Variants in CDIN1 observed in about 807,000 individuals in gnomAD.
CDIN1 encodes the protein CDAN1 interacting nuclease 1, also known as CDAN1-interacting nuclease 1.
CDIN1 carries 33 observed loss-of-function variants against 45.3 expected under a neutral mutation model. The observed-to-expected ratio is 0.73, with a 90% CI of 0.55 to 0.97. The LOEUF is 0.97. Among genes scored for constraint, CDIN1 ranks in the 50% least tolerant of loss-of-function variants. The probability of loss-of-function intolerance (pLI) is 0.00; values close to 1 mark genes in which losing one functional copy is unlikely to be tolerated. For missense variants in CDIN1, 303 were observed against 339.4 expected (o/e 0.89, Z 0.84); for synonymous variants, 118 against 124.4 (o/e 0.95, Z 0.34).
chr15:36,771,887 C>A (rs532819637), intron 10 of CDIN1, among the ~76,000 whole-genome samples: 27 of 145,466 alleles, frequency 1.9e-4, no homozygotes, highest in African/African-American at 6.9e-4. Context: ...GAGATGGCGC[C>A]ATTGCACTCC....
At chr15:36,671,066 A>T (rs1217994741) in intron 5 of CDIN1, among the ~76,000 whole-genome samples, 1 of 152,116 alleles carries the variant, frequency 6.6e-6, no homozygotes. Flanking sequence ...TTGTATCTGA[A>T]ACAAGAAAAT....
intron 1 of CDIN1, among the ~76,000 whole-genome samples, chr15:36,598,366 G>A (rs536314443): frequency 4.9e-5 from 7 of 143,428 alleles, no homozygotes; most frequent in African/African-American, 1.7e-4. Context: ...ATAGTCCATT[G>A]GAAACAAAAG....
chr15:36,719,369 C>T (rs1443584015), intron 10 of CDIN1, among the ~76,000 whole-genome samples: 2 of 152,100 alleles, frequency 1.3e-5, no homozygotes, highest in Non-Finnish European at 1.5e-5. Flanking sequence ...GTTTCTGCAT[C>T]TATTACGATG....
At chr15:36,653,623 G>T (rs562258670) in intron 3 of CDIN1, among the ~76,000 whole-genome samples, 1 of 152,248 alleles carries the variant, frequency 6.6e-6, no homozygotes, top group African/African-American at 2.4e-5. Flanking sequence ...CCTGTCACAG[G>T]TGTGCTGACC....
At chr15:36,725,712 T>C (rs951756153) in intron 10 of CDIN1, among the ~76,000 whole-genome samples, 4 of 152,204 alleles carry the variant, frequency 2.6e-5, no homozygotes, top group African/African-American at 9.6e-5. Context: ...CTATGTTAGA[T>C]TTATCTACTG....
chr15:36,740,885 A>G (rs1278158942), intron 10 of CDIN1, among the ~76,000 whole-genome samples: 1 of 149,306 alleles, frequency 6.7e-6, no homozygotes, highest in African/African-American at 2.5e-5. Context: ...GCGAGACTCC[A>G]TCTCAAAAAA....
At chr15:36,621,752 C>T (rs1189015247) in intron 1 of CDIN1, among the ~76,000 whole-genome samples, 1 of 152,138 alleles carries the variant, frequency 6.6e-6, no homozygotes, top group Non-Finnish European at 1.5e-5. Flanking sequence ...TTTTGTTGGC[C>T]TCCCTTTTAG....
intron 10 of CDIN1, among the ~76,000 whole-genome samples, chr15:36,743,865 G>C (rs1028259911): frequency 6.6e-6 from 1 of 151,670 alleles, no homozygotes; most frequent in African/African-American, 2.4e-5. Flanking sequence ...CTCCAGCCTG[G>C]GCAACAGAGG....
chr15:36,701,122 G>GTAGGTAGA (rs1221792455), intron 8 of CDIN1, among the ~76,000 whole-genome samples: 3 of 103,806 alleles, frequency 2.9e-5, no homozygotes, highest in African/African-American at 9.5e-5. Flanking sequence ...AGATAGGTAG[G>GTAGGTAGA]TAGATAGATA....
rs562943536 is a variant in CDIN1, at chr15:36,645,384, C to A, written c.212+97C>A. ...GGTTATTAATTTTCTATGTCATATC[C>A]CAAGACATTGTGTTTTAAGTATTTT... is the stretch of plus-strand genomic sequence containing the variant. On this transcript the variant is annotated intron_variant, in intron 3 of 10. Coordinates refer to ENST00000566621, the MANE Select transcript of CDIN1 (RefSeq NM_001321759.2). 4.5e-4 allele frequency: 468 copies of A among 1,048,350 alleles called. 1 individual carries two copies. The highest frequency in any genetic ancestry group is 6.7e-4 in the Admixed American group (24 of 35,620). 64.9% of individuals were successfully genotyped at this position (1,048,350 alleles called of 1,614,324 possible). A position where few individuals can be genotyped will look rare whatever the true frequency, so the allele number is the denominator to read the frequency against.
intron 10 of CDIN1, among the ~76,000 whole-genome samples, chr15:36,777,267 C>G (rs1318330690): frequency 6.6e-6 from 1 of 152,110 alleles, no homozygotes; most frequent in Non-Finnish European, 1.5e-5. Context: ...AATACTTGAG[C>G]TTAAATTGTT....
chr15:36,715,274 A>G (rs1328867430), intron 10 of CDIN1, among the ~76,000 whole-genome samples: 1 of 152,154 alleles, frequency 6.6e-6, no homozygotes, highest in African/African-American at 2.4e-5. Context: ...CTTCTGCCAC[A>G]GAATTGATTT....
chr15:36,754,785 A>T (rs188203954), intron 10 of CDIN1, among the ~76,000 whole-genome samples: 3 of 152,162 alleles, frequency 2.0e-5, no homozygotes, highest in Admixed American at 2.0e-4. Context: ...GAACAGTATT[A>T]ACAATTATAG....
chr15:36,761,666 G>C (rs1173329091), intron 10 of CDIN1, among the ~76,000 whole-genome samples: 1 of 152,210 alleles, frequency 6.6e-6, no homozygotes, highest in Non-Finnish European at 1.5e-5. Context: ...CGCAACGAAA[G>C]CACTTCATCA....
At chr15:36,597,530 C>G (rs1207336249) in intron 1 of CDIN1, among the ~76,000 whole-genome samples, 1 of 152,214 alleles carries the variant, frequency 6.6e-6, no homozygotes, top group Admixed American at 6.5e-5. Context: ...GTACCATTAT[C>G]ACCATGCATT....
chr15:36,736,694 G>C (rs2140926468), intron 10 of CDIN1, among the ~76,000 whole-genome samples: 1 of 152,202 alleles, frequency 6.6e-6, no homozygotes, highest in East Asian at 1.9e-4. Context: ...TTAAAATCTT[G>C]GTAAATAATG....
intron 8 of CDIN1, chr15:36,705,104 A>G (rs1360199540): frequency 2.6e-5 from 4 of 152,190 alleles, no homozygotes; most frequent in African/African-American, 9.6e-5. Flanking sequence ...AATGTTCTTT[A>G]TGCGTCTGTA....
At chr15:36,788,953 C>T (rs1388299757) in intron 10 of CDIN1, among the ~76,000 whole-genome samples, 1 of 152,172 alleles carries the variant, frequency 6.6e-6, no homozygotes, top group Non-Finnish European at 1.5e-5. Context: ...AAATAACAGA[C>T]TCGCATTTTC....
Position 36,680,999 on chromosome 15 carries a change from C to G in CDIN1, c.347-10686C>G, listed in dbSNP as rs962751088. Among the ~76,000 whole-genome samples, 4 of 151,988 alleles carry G rather than the reference C, an allele frequency of 2.6e-5. 1 individual carries two copies. Among genetic ancestry groups the G allele is most frequent in the Admixed American group, 2.6e-4 (4 of 15,256 alleles). ...TAAGCTCCCAATAAAAATTTACAAG[C>G]CAATGGAGGAGACCAATTACCATGG... On this transcript the variant is annotated intron_variant, in intron 5 of 10. Coordinates refer to ENST00000566621, the MANE Select transcript of CDIN1 (RefSeq NM_001321759.2).
Sources: allele counts gnomAD v4.1 joint callset (sites outside exome capture counted in the v4.1 genomes callset), GRCh38; gene constraint gnomAD v4.1.1; transcripts MANE v1.5; gene names NCBI Gene and HGNC (gene_info 2026-07-23, HGNC 2026-07-21).